The following ZNF121 variants were observed in gnomAD, a reference collection of about 807,000 sequenced individuals.
ZNF121 encodes zinc finger protein 121 (clone ZHC32).
ZNF121 carries 1 observed loss-of-function variant against 2.4 expected under a neutral mutation model. That is an observed-to-expected ratio of 0.41 (90% CI 0.15 to 1.94). ZNF121 has a LOEUF of 1.94. Ranked by LOEUF, ZNF121 falls within the 30% of genes most tolerant of loss-of-function variation. The pLI is 0.30. For missense variants in ZNF121, 369 were observed against 466.3 expected (o/e 0.79, Z 1.92); for synonymous variants, 173 against 158.6 (o/e 1.09, Z -0.68).
intron 2 of ZNF121, 126 bp downstream of exon 2, chr19:9,568,876 A>G (rs2074153251): frequency 6.6e-6 from 1 of 152,256 alleles, no homozygotes; most frequent in Non-Finnish European, 1.5e-5. Flanking sequence ...AAAGTTGAAG[A>G]TACCCTAAAA....
intron 1 of ZNF121, among the ~76,000 whole-genome samples, chr19:9,574,673 G>C (rs1340658536): frequency 2.0e-5 from 3 of 152,176 alleles, no homozygotes; most frequent in Admixed American, 6.5e-5. Flanking sequence ...GGAGAAGAAA[G>C]GAAGGAGGAA....
intron 1 of ZNF121, among the ~76,000 whole-genome samples, chr19:9,570,565 T>A (rs2074166737): frequency 6.6e-6 from 1 of 152,038 alleles, no homozygotes; most frequent in Non-Finnish European, 1.5e-5. Flanking sequence ...TGGGTTTTTT[T>A]GTTTGTTTGT....
In ZNF121 at chr19:9,565,899, T is replaced by G; in HGVS notation, c.*41A>C. 1 of 1,424,770 alleles carries G rather than the reference T, an allele frequency of 7.0e-7. No individual in the cohort carries two copies. The highest frequency in any genetic ancestry group is 1.5e-5 in the South Asian group (1 of 68,956). 88.3% of individuals were successfully genotyped at this position (1,424,770 alleles called of 1,614,324 possible). On this transcript the variant is annotated 3_prime_UTR_variant, in exon 4 of 4. Transcript: ENST00000320451. Reference sequence around the variant, plus strand: ...ATGTGGTAATTATGGTATGAGAAATTCCTAAAAGATTTCCACATTCCTTAC... The same window carrying G: ...ATGTGGTAATTATGGTATGAGAAATGCCTAAAAGATTTCCACATTCCTTAC...
intron 1 of ZNF121, among the ~76,000 whole-genome samples, chr19:9,572,921 G>A (rs942639395): frequency 6.6e-6 from 1 of 152,104 alleles, no homozygotes; most frequent in African/African-American, 2.4e-5. Context: ...AGGCTGAGGT[G>A]GGAGGATTGC....
chr19:9,566,495 TC>T lies in ZNF121; in HGVS notation c.617del (p.Gly206GlufsTer38). ...GGCCTGAGCGCCCAGCGAAGGCTCT[TC>T]CACATTCCTTACATTGATAAGGTTT... Reference protein sequence around the residue: ...GEKPYQCKECGRAFAGRSGLT... With the variant: ...GEKPYQCKECXRAFAGRSGLT... On this transcript the variant is annotated frameshift_variant, in exon 4 of 4. Transcript: ENST00000320451. LOFTEE classifies it low-confidence loss of function (END_TRUNC). 1 of 1,614,074 alleles carries T rather than the reference TC, an allele frequency of 6.2e-7. No homozygotes were observed. Among genetic ancestry groups the T allele is most frequent in the Non-Finnish European group, 8.5e-7 (1 of 1,179,992 alleles).
rs1463286701 is a variant in ZNF121 at position 9,562,214 on chromosome 19, G to A, written c.*3726C>T. The A allele has an allele frequency of 6.9e-6, 1 of 145,590 alleles. No homozygotes were observed. The highest frequency in any genetic ancestry group is 1.5e-5 in the Non-Finnish European group (1 of 67,644). 9.0% of individuals were successfully genotyped at this position (145,590 alleles called of 1,614,324 possible). ...GAATCTCACTCTGTCACCTGGGCTG[G>A]AGTGCAGTGGTGTGATCTCAGCTCA... On this transcript the variant is annotated 3_prime_UTR_variant, in exon 4 of 4. Transcript: ENST00000320451.
chr19:9,575,978 C>T (rs1345953990), intron 1 of ZNF121, among the ~76,000 whole-genome samples: 1 of 152,044 alleles, frequency 6.6e-6, no homozygotes, highest in Non-Finnish European at 1.5e-5. Context: ...CAAAGAAACA[C>T]AGAAGAAGTT....
At chr19:9,567,498 T>C (rs2074142113) in intron 3 of ZNF121, 1 of 228,444 alleles carries the variant, frequency 4.4e-6, no homozygotes, top group African/African-American at 2.3e-5. Context: ...CAGAGACTGA[T>C]TTCGTAGATG....
At chr19:9,572,252 G>T (rs1325386942) in intron 1 of ZNF121, among the ~76,000 whole-genome samples, 1 of 152,130 alleles carries the variant, frequency 6.6e-6, no homozygotes, top group Admixed American at 6.5e-5. Context: ...ACAAAGAAGT[G>T]AAAAAACTCC....
intron 1 of ZNF121, among the ~76,000 whole-genome samples, chr19:9,569,438 C>A (rs538590525): frequency 1.5e-4 from 23 of 151,978 alleles, no homozygotes; most frequent in Admixed American, 3.9e-4. Context: ...CAAAGTGAGA[C>A]CCTGTCTTAA....
chr19:9,566,640 T>C lies in ZNF121; in HGVS notation c.473A>G (p.Tyr158Cys), dbSNP rs1443092720. The C allele has an allele frequency of 6.2e-7, 1 of 1,614,198 alleles. No individual in the cohort carries two copies. The highest frequency in any genetic ancestry group is 1.1e-5 in the South Asian group (1 of 91,082). ...ECGKFFRYSS[Y>C]LNSHMRTHTG... ...ATGGGTTCGCATGTGACTATTAAGA[T>C]ATGAAGAATATCTAAAGAATTTTCC... The change falls in exon 4 of 4, where the codon TAT becomes TGT. Residue 158 changes from tyrosine (Y) to cysteine (C), a missense_variant. Physicochemically the swap from Tyr to Cys is radical, Grantham distance 194. Transcript: ENST00000320451.
chr19:9,578,152 G>A (rs1382239790), intron 1 of ZNF121, among the ~76,000 whole-genome samples: 3 of 152,016 alleles, frequency 2.0e-5, no homozygotes, highest in Non-Finnish European at 4.4e-5. Context: ...AACCCAAGAG[G>A]TGGAACTTGC....
Position 9,562,792 on chromosome 19 carries a change from C to T in ZNF121, c.*3148G>A, listed in dbSNP as rs1041196191. 6.0e-5 allele frequency: 9 copies of T among 150,900 alleles called. No homozygotes were observed. The highest frequency in any genetic ancestry group is 1.9e-4 in the African/African-American group (8 of 41,034). 9.3% of individuals were successfully genotyped at this position (150,900 alleles called of 1,614,324 possible). On this transcript the variant is annotated 3_prime_UTR_variant, in exon 4 of 4. Transcript: ENST00000320451. ...AAGAGCCAGGTGCAGTGGCTCACAC[C>T]TGTAATCCCAGAGTGTTGGGAGGCA...
Position 9,567,841 on chromosome 19 carries a change from A to T in ZNF121, c.3+254T>A, listed in dbSNP as rs2074144591. On this transcript the variant is annotated intron_variant, in intron 3 of 3. Coordinates refer to ENST00000320451, the MANE Select transcript of ZNF121 (RefSeq NM_001008727.5). ...CTGCTACTGACAGGTGGAGTATATGACAGGCAGTAATACAAGCGATGGGGA... is the reference window on the plus strand; with the variant it reads ...CTGCTACTGACAGGTGGAGTATATGTCAGGCAGTAATACAAGCGATGGGGA... 8.1e-6 allele frequency: 3 copies of T among 371,924 alleles called. No individual in the cohort carries two copies. The South Asian group carries it at 1.3e-4, about 16-fold the overall frequency. 23.0% of individuals were successfully genotyped at this position (371,924 alleles called of 1,614,324 possible). A position where few individuals can be genotyped will look rare whatever the true frequency, so the allele number is the denominator to read the frequency against.
At chr19:9,577,210 G>T (rs2074216665) in intron 1 of ZNF121, among the ~76,000 whole-genome samples, 1 of 152,142 alleles carries the variant, frequency 6.6e-6, no homozygotes, top group Non-Finnish European at 1.5e-5. Context: ...TTGGGAGGCT[G>T]AGGCGGGTGG....
chr19:9,581,994 G>C (rs1336703702), intron 1 of ZNF121, among the ~76,000 whole-genome samples: 1 of 152,152 alleles, frequency 6.6e-6, no homozygotes, highest in South Asian at 2.1e-4. Context: ...TGAGGTGAAA[G>C]AAAACAAGCA....
Position 9,566,451 on chromosome 19 carries a change from A to G in ZNF121, c.662T>C (p.Ile221Thr). The G allele has an allele frequency of 6.2e-7, 1 of 1,613,930 alleles. No individual in the cohort carries two copies. The highest frequency in any genetic ancestry group is 1.3e-5 in the African/African-American group (1 of 75,032). Reference sequence around the variant, plus strand: ...TTCATAGGGCTTCTCTCCAGTGTGTATTCGTACATGTTTAGTAAGGCCTGA... The same window carrying G: ...TTCATAGGGCTTCTCTCCAGTGTGTGTTCGTACATGTTTAGTAAGGCCTGA... ...GRSGLTKHVR[I>T]HTGEKPYECN... The change falls in exon 4 of 4, where the codon ATA (isoleucine) becomes ACA (threonine). Residue 221 changes from isoleucine to threonine, a missense_variant. Ile to Thr is a moderately conservative substitution (Grantham distance 89). Transcript: ENST00000320451.
At chr19:9,570,706 A>G (rs1278960938) in intron 1 of ZNF121, among the ~76,000 whole-genome samples, 5 of 151,418 alleles carry the variant, frequency 3.3e-5, no homozygotes, top group African/African-American at 1.2e-4. Flanking sequence ...AGCTGGGATT[A>G]CAGGCACCTG....
intron 1 of ZNF121, among the ~76,000 whole-genome samples, chr19:9,576,104 C>T (rs1291116700): frequency 6.6e-6 from 1 of 152,042 alleles, no homozygotes; most frequent in African/African-American, 2.4e-5. Context: ...ATATCTTAGG[C>T]CACAAAAAAA....
Sources: gnomAD v4.1 joint callset for allele counts (sites outside exome capture counted in the v4.1 genomes callset) on GRCh38, gnomAD v4.1.1 for gene constraint, MANE v1.5 for transcripts, NCBI Gene and HGNC (gene_info 2026-07-23, HGNC 2026-07-21) for gene names.